Variants in CDH13 observed in about 807,000 individuals in gnomAD.
CDH13 encodes cadherin-13.
Under a neutral mutation model 63.8 loss-of-function variants are expected in CDH13, and 24 were observed. The ratio of observed to expected loss-of-function variants is 0.38; its 90% CI spans 0.27 to 0.53. The LOEUF (loss-of-function observed/expected upper bound fraction) is 0.53, where lower values mean the gene tolerates loss of function less well. Ranked by LOEUF, CDH13 falls within the 20% of genes least tolerant of loss-of-function variation. CDH13 has a pLI of 0.85. For synonymous variants in CDH13, 503 were observed against 355.3 expected, an observed-to-expected ratio of 1.42 and a Z score of -4.67; for missense variants, 1,049 against 903.1, an observed-to-expected ratio of 1.16 and a Z score of -2.07.
intron 2 of CDH13, chr16:82,859,293 C>T (rs995530944): frequency 3.3e-5 from 5 of 152,254 alleles, no homozygotes; most frequent in Non-Finnish European, 7.3e-5. Context: ...TGTGATGGCT[C>T]ATGCCTGTAA....
chr16:82,705,172 C>T (rs866689627), intron 1 of CDH13: 3 of 455,962 alleles, frequency 6.6e-6, no homozygotes, highest in African/African-American at 2.0e-5. Context: ...TCCAGGTAAA[C>T]AGATTGCTTC....
At chr16:83,496,655 A>G (rs1308349206) in intron 7 of CDH13, among the ~76,000 whole-genome samples, 1 of 152,230 alleles carries the variant, frequency 6.6e-6, no homozygotes, top group East Asian at 1.9e-4. Context: ...GACAAAATTG[A>G]CAAATGGGAT....
intron 12 of CDH13, 34 bp downstream of exon 12, chr16:83,780,235 C>A (rs1326466190): frequency 7.3e-7 from 1 of 1,372,520 alleles, no homozygotes; most frequent in Non-Finnish European, 1.0e-6. Context: ...GCCTATTCTT[C>A]CAGCTTTCAG....
chr16:83,134,586 A>AGAGT (rs1567863482), intron 4 of CDH13, among the ~76,000 whole-genome samples: 1 of 57,140 alleles, frequency 1.8e-5, no homozygotes, highest in Admixed American at 1.7e-4. Context: ...AGAGAGAGAG[A>AGAGT]GAGAGAGTGA....
chr16:83,194,238 C>T (rs1237728733), intron 4 of CDH13, among the ~76,000 whole-genome samples: 1 of 152,258 alleles, frequency 6.6e-6, no homozygotes, highest in Non-Finnish European at 1.5e-5. Flanking sequence ...CCCTGACAAT[C>T]CACGGGGGCC....
chr16:82,751,128 A>G (rs2034396797), intron 1 of CDH13, among the ~76,000 whole-genome samples: 1 of 152,104 alleles, frequency 6.6e-6, no homozygotes. Flanking sequence ...ATGTGCTTTT[A>G]TGTGGAAAGC....
intron 3 of CDH13, among the ~76,000 whole-genome samples, chr16:83,066,065 C>G (rs756186947): frequency 1.3e-5 from 2 of 152,190 alleles, no homozygotes; most frequent in Non-Finnish European, 1.5e-5. Flanking sequence ...GGAAAATACT[C>G]ATGGATTATA....
At chr16:82,782,894 CCA>C (rs2035830907) in intron 1 of CDH13, among the ~76,000 whole-genome samples, 1 of 152,076 alleles carries the variant, frequency 6.6e-6, no homozygotes, top group Non-Finnish European at 1.5e-5. Flanking sequence ...CCAGAGGCTT[CCA>C]GGTCTCTATT....
At chr16:82,733,929 C>G (rs2033533662) in intron 1 of CDH13, among the ~76,000 whole-genome samples, 1 of 152,204 alleles carries the variant, frequency 6.6e-6, no homozygotes, top group African/African-American at 2.4e-5. Flanking sequence ...CAAGCAAAAT[C>G]CCTGCCTTGA....
At chr16:83,157,227 G>C (rs1001308413) in intron 4 of CDH13, among the ~76,000 whole-genome samples, 1 of 152,148 alleles carries the variant, frequency 6.6e-6, no homozygotes, top group Non-Finnish European at 1.5e-5. Context: ...TAACGGTATT[G>C]TGATTCAGAT....
intron 5 of CDH13, among the ~76,000 whole-genome samples, chr16:83,313,129 G>A (rs1301959661): frequency 6.6e-6 from 1 of 152,162 alleles, no homozygotes; most frequent in Non-Finnish European, 1.5e-5. Flanking sequence ...TTTGCAAACT[G>A]TTTTAAACAC....
rs559791464 is a variant in CDH13, at chr16:83,179,012, C to G, written c.484-38333C>G. ...AAAAAGGAGGTATATTTTTACACAA[C>G]TATTTGTTCATAGGACATGTATGCA... is the stretch of plus-strand genomic sequence containing the variant. On this transcript the variant is annotated intron_variant, in intron 4 of 13. Transcript: ENST00000567109. 1.6e-4 allele frequency among the ~76,000 whole-genome samples: 25 copies of G among 152,302 alleles called. No homozygotes were observed. The South Asian group carries it at 5.2e-3, about 32-fold the overall frequency.
rs374377940 is a variant in CDH13, at chr16:83,413,409, T to C, written c.781+68403T>C. ...ATTATCAGTCACTCCTCCTCCATAG[T>C]CCATCATGATAAAACCGAGCGACTT... On this transcript the variant is annotated intron_variant, in intron 6 of 13. Coordinates refer to ENST00000567109, the MANE Select transcript of CDH13 (RefSeq NM_001257.5). Among the ~76,000 whole-genome samples the C allele has an allele frequency of 2.6e-5, 4 of 152,102 alleles. No individual in the cohort carries two copies. The East Asian group carries it at 5.8e-4, about 22-fold the overall frequency.
At chr16:82,976,113 A>G (rs904401294) in intron 2 of CDH13, among the ~76,000 whole-genome samples, 53 of 152,212 alleles carry the variant, frequency 3.5e-4, no homozygotes, top group African/African-American at 1.2e-3. Flanking sequence ...CAAGAAAAGT[A>G]TTTTTCAAGA....
intron 4 of CDH13, among the ~76,000 whole-genome samples, chr16:83,156,005 G>A (rs2037194352): frequency 6.6e-6 from 1 of 152,162 alleles, no homozygotes; most frequent in African/African-American, 2.4e-5. Flanking sequence ...ATGCAGCCAA[G>A]GTTGAGACTG....
chr16:83,202,568 A>T (rs1317066243), intron 4 of CDH13, among the ~76,000 whole-genome samples: 2 of 152,210 alleles, frequency 1.3e-5, no homozygotes, highest in Non-Finnish European at 2.9e-5. Flanking sequence ...GATGAAAATC[A>T]TGGAAATTTT....
At chr16:83,217,526 G>A (rs1388195608) in intron 5 of CDH13, 29 bp downstream of exon 5, 1 of 1,600,704 alleles carries the variant, frequency 6.2e-7, no homozygotes, top group Non-Finnish European at 8.5e-7. Flanking sequence ...TGCCCACCCT[G>A]TGCGCAGAAA....
intron 3 of CDH13, among the ~76,000 whole-genome samples, chr16:83,034,521 A>T (rs780003715): frequency 6.6e-6 from 1 of 152,198 alleles, no homozygotes; most frequent in Non-Finnish European, 1.5e-5. Flanking sequence ...CTAATCTGTG[A>T]TATAAATTAT....
At chr16:83,546,541 T>G (rs2075389583) in intron 7 of CDH13, among the ~76,000 whole-genome samples, 1 of 152,048 alleles carries the variant, frequency 6.6e-6, no homozygotes, top group East Asian at 1.9e-4. Flanking sequence ...AAATGCAATT[T>G]AAGTGCCAGA....
Sources: allele counts gnomAD v4.1 joint callset (sites outside exome capture counted in the v4.1 genomes callset), GRCh38; gene constraint gnomAD v4.1.1; transcripts MANE v1.5; gene names NCBI Gene and HGNC (gene_info 2026-07-23, HGNC 2026-07-21).